The following GALNT13 variants were observed in gnomAD, a reference collection of about 807,000 sequenced individuals.
GALNT13 encodes the protein UDP-GalNAc:polypeptide N-acetylgalactosaminyltransferase 13.
GALNT13 carries 28 observed loss-of-function variants against 64.2 expected under a neutral mutation model. That is an observed-to-expected ratio of 0.44 (90% CI 0.32 to 0.60). The LOEUF (loss-of-function observed/expected upper bound fraction) is 0.60, where lower values mean the gene tolerates loss of function less well. GALNT13 is among the 20% of genes least tolerant of loss of function. The pLI is 0.05. For missense variants in GALNT13, 577 were observed against 669.8 expected (o/e 0.86, Z 1.53); for synonymous variants, 214 against 224.6 (o/e 0.95, Z 0.42).
the GALNT13 span, among the ~76,000 whole-genome samples, chr2:153,523,041 C>CTGTT: frequency 7.9e-4 from 59 of 74,760 alleles, no homozygotes; most frequent in African/African-American, 3.9e-3. Flanking sequence ...TCTGTGTTTA[C>CTGTT]TATTTTTTTT....
intron 3 of GALNT13, among the ~76,000 whole-genome samples, chr2:154,096,043 A>G (rs998070609): frequency 5.3e-5 from 8 of 152,038 alleles, no homozygotes; most frequent in Admixed American, 5.3e-4. Flanking sequence ...ATTCTATATA[A>G]TGCCAACATA....
the GALNT13 span, among the ~76,000 whole-genome samples, chr2:153,247,358 G>A: frequency 6.6e-6 from 1 of 152,060 alleles, no homozygotes; most frequent in African/African-American, 2.4e-5. Context: ...CATATGGCAG[G>A]TATTCTAATA....
chr2:153,902,606 A>G (rs544989980), intron 2 of GALNT13, among the ~76,000 whole-genome samples: 48 of 152,206 alleles, frequency 3.2e-4, no homozygotes, highest in Non-Finnish European at 6.5e-4. Context: ...TTGTAGAGGG[A>G]TAAGAATGAA....
Position 154,087,354 on chromosome 2 carries a change from G to A in GALNT13, c.143-52983G>A, listed in dbSNP as rs117955699. Among the ~76,000 whole-genome samples, 651 of 151,958 alleles carry A rather than the reference G, an allele frequency of 4.3e-3. 11 individuals carry two copies. Among genetic ancestry groups the A allele is most frequent in the East Asian group, 0.011 (55 of 5,138 alleles). On this transcript the variant is annotated intron_variant, in intron 3 of 12. Transcript: ENST00000392825. ...TCTCAAAATATGTTGCACATTAACC[G>A]AAGACATGTTTGTAGAATTCATAGC...
intron 3 of GALNT13, among the ~76,000 whole-genome samples, chr2:153,990,159 T>G (rs1695068844): frequency 6.6e-6 from 1 of 152,052 alleles, no homozygotes. Flanking sequence ...TCATCAGATG[T>G]GAAAAATTAA....
the GALNT13 span, among the ~76,000 whole-genome samples, chr2:153,643,454 T>A: frequency 6.6e-6 from 1 of 151,486 alleles, no homozygotes; most frequent in African/African-American, 2.4e-5. Flanking sequence ...TTTGTAAAAG[T>A]CAAAATAGTT....
At position 154,273,558 on chromosome 2, in the gene GALNT13, G is replaced by T. The variant is rs898245680; in HGVS notation, c.975+14420G>T. Reference sequence around the variant, plus strand: ...ACATAATTGTGTTTTGGTCAACAACGACACATATACAATGGTGGTCCCATA... The same window carrying T: ...ACATAATTGTGTTTTGGTCAACAACTACACATATACAATGGTGGTCCCATA... On this transcript the variant is annotated intron_variant, in intron 8 of 12. Coordinates refer to ENST00000392825, the MANE Select transcript of GALNT13 (RefSeq NM_052917.4). 3.3e-5 allele frequency among the ~76,000 whole-genome samples: 5 copies of T among 152,266 alleles called. No individual in the cohort carries two copies. In the East Asian group the frequency reaches 5.8e-4, roughly 18 times the overall value.
the GALNT13 span, among the ~76,000 whole-genome samples, chr2:153,503,776 T>C: frequency 6.6e-6 from 1 of 152,188 alleles, no homozygotes; most frequent in Non-Finnish European, 1.5e-5. Flanking sequence ...CATGCTGTTT[T>C]GGCAACTATG....
At chr2:153,649,282 T>C in the GALNT13 span, among the ~76,000 whole-genome samples, 1 of 152,214 alleles carries the variant, frequency 6.6e-6, no homozygotes, top group South Asian at 2.1e-4. Context: ...CTGATGGTAG[T>C]TTCTATTTCT....
chr2:153,534,522 C>CTTTTT, the GALNT13 span, among the ~76,000 whole-genome samples: 1 of 141,322 alleles, frequency 7.1e-6, no homozygotes, highest in African/African-American at 2.7e-5. Context: ...CTCTTTCTTT[C>CTTTTT]TTTCTTTTTT....
At chr2:153,130,842 A>T in the GALNT13 span, among the ~76,000 whole-genome samples, 1 of 152,176 alleles carries the variant, frequency 6.6e-6, no homozygotes, top group East Asian at 1.9e-4. Context: ...GATCTGTGAT[A>T]TGATAATTTA....
chr2:154,333,965 C>A (rs567000152), intron 9 of GALNT13, among the ~76,000 whole-genome samples: 2 of 151,932 alleles, frequency 1.3e-5, no homozygotes, highest in East Asian at 1.9e-4. Context: ...CTACAATTGT[C>A]GTAACTTGCA....
chr2:153,660,805 G>A, the GALNT13 span, among the ~76,000 whole-genome samples: 1 of 151,934 alleles, frequency 6.6e-6, no homozygotes, highest in Non-Finnish European at 1.5e-5. Context: ...AAGAGGTAGA[G>A]CCTTATCTTG....
the GALNT13 span, among the ~76,000 whole-genome samples, chr2:153,720,558 T>A: frequency 2.0e-5 from 3 of 149,058 alleles, no homozygotes; most frequent in African/African-American, 7.3e-5. Context: ...AGTTGAAAAC[T>A]TTGAAAAAAA....
intron 3 of GALNT13, among the ~76,000 whole-genome samples, chr2:154,074,975 C>T (rs1700912398): frequency 6.6e-6 from 1 of 151,754 alleles, no homozygotes; most frequent in Non-Finnish European, 1.5e-5. Flanking sequence ...AAAACGTTCC[C>T]CTTGAGACCT....
the GALNT13 span, among the ~76,000 whole-genome samples, chr2:153,722,259 C>T: frequency 2.3e-3 from 332 of 147,118 alleles, 1 homozygote; most frequent in African/African-American, 8.0e-3. Context: ...TTGAAACCAA[C>T]GAGAACAAAG....
chr2:154,303,685 T>G (rs1202960530), intron 9 of GALNT13, among the ~76,000 whole-genome samples: 1 of 152,058 alleles, frequency 6.6e-6, no homozygotes, highest in African/African-American at 2.4e-5. Flanking sequence ...AATGAGATTG[T>G]ATGGTCAATA....
chr2:154,055,743 T>C (rs912022501), intron 3 of GALNT13, among the ~76,000 whole-genome samples: 7 of 152,096 alleles, frequency 4.6e-5, no homozygotes, highest in Non-Finnish European at 1.0e-4. Flanking sequence ...AAAAACATCT[T>C]CTTAAATTAT....
intron 2 of GALNT13, among the ~76,000 whole-genome samples, chr2:153,910,565 G>A (rs753969785): frequency 6.6e-6 from 1 of 151,862 alleles, no homozygotes; most frequent in African/African-American, 2.4e-5. Flanking sequence ...TTTTGATGTG[G>A]GCATTTTGTG....
Sources: gnomAD v4.1 joint callset for allele counts (sites outside exome capture counted in the v4.1 genomes callset) on GRCh38, gnomAD v4.1.1 for gene constraint, MANE v1.5 for transcripts, NCBI Gene and HGNC (gene_info 2026-07-23, HGNC 2026-07-21) for gene names.